PDE1A: variants seen among roughly 807,000 people sequenced by gnomAD.
The protein encoded by PDE1A is phosphodiesterase 1A.
PDE1A carries 35 observed loss-of-function variants against 61.7 expected under a neutral mutation model. The observed-to-expected ratio is 0.57, with a 90% CI of 0.43 to 0.75. The LOEUF (loss-of-function observed/expected upper bound fraction) is 0.75. Ranked by LOEUF, PDE1A falls within the 30% of genes least tolerant of loss-of-function variation. The pLI is 0.00. For synonymous variants in PDE1A, 232 were observed against 213.2 expected (o/e 1.09, Z -0.77); for missense variants, 597 against 630.6 (o/e 0.95, Z 0.57).
intron 1 of PDE1A, among the ~76,000 whole-genome samples, chr2:182,385,659 G>GAAAGA (rs748519072): frequency 1.1e-5 from 1 of 95,056 alleles, no homozygotes; most frequent in African/African-American, 4.6e-5. Context: ...AAGAAAGAAA[G>GAAAGA]AAGAAAAAAA....
chr2:182,460,020 T>C (rs1176990608), intron 2 of PDE1A, among the ~76,000 whole-genome samples: 1 of 152,172 alleles, frequency 6.6e-6, no homozygotes, highest in Non-Finnish European at 1.5e-5. Context: ...AGTCATCTTT[T>C]GTTCTTCCTT....
chr2:182,327,799 A>T (rs2124910347), intron 1 of PDE1A, among the ~76,000 whole-genome samples: 1 of 152,320 alleles, frequency 6.6e-6, no homozygotes, highest in African/African-American at 2.4e-5. Flanking sequence ...GATGATGAAG[A>T]GTGGGGAGAA....
chr2:182,529,612 C>T, the PDE1A span, among the ~76,000 whole-genome samples: 54 of 152,228 alleles, frequency 3.5e-4, no homozygotes, highest in African/African-American at 1.1e-3. Context: ...GGGCCAGGAG[C>T]GGAATGATAT....
intron 2 of PDE1A, among the ~76,000 whole-genome samples, chr2:182,469,324 T>G (rs1686877273): frequency 6.6e-6 from 1 of 151,986 alleles, no homozygotes; most frequent in African/African-American, 2.4e-5. Context: ...CATCAGCATT[T>G]GCTGCTTCAT....
intron 1 of PDE1A, among the ~76,000 whole-genome samples, chr2:182,353,675 T>G (rs1387493732): frequency 6.6e-6 from 1 of 152,000 alleles, no homozygotes; most frequent in African/African-American, 2.4e-5. Flanking sequence ...AAAGTTTATA[T>G]TTGTAATATA....
intron 13 of PDE1A, among the ~76,000 whole-genome samples, chr2:182,184,538 T>C (rs1454678913): frequency 6.6e-6 from 1 of 152,172 alleles, no homozygotes; most frequent in Non-Finnish European, 1.5e-5. Context: ...GAAAATCTAA[T>C]TGTTTGTCAG....
intron 8 of PDE1A, among the ~76,000 whole-genome samples, chr2:182,202,568 A>T (rs551355204): frequency 6.6e-6 from 1 of 152,294 alleles, no homozygotes; most frequent in South Asian, 2.1e-4. Flanking sequence ...ATAAGATTCA[A>T]CGCAAGAGGT....
At chr2:182,164,584 C>A (rs1691553232), downstream of PDE1A, among the ~76,000 whole-genome samples, 1 of 152,104 alleles carries the variant, frequency 6.6e-6, no homozygotes, top group Non-Finnish European at 1.5e-5. Flanking sequence ...CTACCATTGT[C>A]ATTGCCCAGT....
intron 1 of PDE1A, among the ~76,000 whole-genome samples, chr2:182,285,285 G>T (rs1574251348): frequency 6.6e-6 from 1 of 151,852 alleles, no homozygotes; most frequent in African/African-American, 2.4e-5. Flanking sequence ...GTTTTCTCTG[G>T]CATCATCTTA....
intron 1 of PDE1A, among the ~76,000 whole-genome samples, chr2:182,292,046 T>C (rs1419528346): frequency 6.6e-6 from 1 of 152,242 alleles, no homozygotes; most frequent in Admixed American, 6.5e-5. Flanking sequence ...TAGTATAGTA[T>C]GATCTATAAA....
chr2:182,482,278 A>G lies in PDE1A; in HGVS notation c.101+39998T>C, dbSNP rs140507510. 5.5e-4 allele frequency among the ~76,000 whole-genome samples: 84 copies of G among 152,108 alleles called. 1 individual carries two copies. The East Asian group carries it at 0.016, about 28-fold the overall frequency. On this transcript the variant is annotated intron_variant, in intron 2 of 14. Coordinates refer to the PDE1A transcript ENST00000410103. ...GTTATCACCTAGTTTTTAAACTGCT[A>G]TAAGACAAACAATCTATCAGTATTG...
At chr2:182,493,977 T>G (rs149309199) in intron 2 of PDE1A, among the ~76,000 whole-genome samples, 1,541 of 152,346 alleles carry the variant, frequency 0.01, 18 homozygotes, top group Middle Eastern at 0.027. Context: ...TACCACTGTT[T>G]GAAGAAATTC....
At chr2:182,184,109 C>T (rs1055352346) in intron 13 of PDE1A, among the ~76,000 whole-genome samples, 5 of 151,618 alleles carry the variant, frequency 3.3e-5, no homozygotes, top group African/African-American at 1.2e-4. Context: ...TTCCAGAATC[C>T]TAAGTTATGC....
chr2:182,384,915 G>A (rs74532927), intron 1 of PDE1A, among the ~76,000 whole-genome samples: 3,198 of 152,114 alleles, frequency 0.021, 115 homozygotes, highest in African/African-American at 0.073. Context: ...AAGACTGAAA[G>A]CAGCAAGAGA....
intron 4 of PDE1A, among the ~76,000 whole-genome samples, chr2:182,231,518 A>C (rs966060536): frequency 6.6e-6 from 1 of 152,190 alleles, no homozygotes; most frequent in Non-Finnish European, 1.5e-5. Flanking sequence ...ATACAGAAAA[A>C]ATAGTCCCGG....
Position 182,334,122 on chromosome 2 carries a change from C to T in PDE1A, c.54-69708G>A, listed in dbSNP as rs1272766795. On this transcript the variant is annotated intron_variant, in intron 1 of 13. Transcript: ENST00000351439. ...CAACCAAAAAAAACCCAGGACCAGA[C>T]AGATTCACAGCCGAATTCTACCAGA... 4.6e-5 allele frequency among the ~76,000 whole-genome samples: 7 copies of T among 152,078 alleles called. No individual in the cohort carries two copies. The East Asian group carries it at 5.8e-4, about 13-fold the overall frequency.
intron 1 of PDE1A, among the ~76,000 whole-genome samples, chr2:182,375,899 G>A (rs1700376095): frequency 1.3e-5 from 2 of 152,228 alleles, no homozygotes; most frequent in Admixed American, 1.3e-4. Flanking sequence ...GCTGCCAAGG[G>A]GTGGCTTGCA....
intron 1 of PDE1A, among the ~76,000 whole-genome samples, chr2:182,325,521 A>C (rs1464485530): frequency 6.6e-6 from 1 of 152,176 alleles, no homozygotes; most frequent in Non-Finnish European, 1.5e-5. Flanking sequence ...CAACAGAATA[A>C]AAAAGCAACT....
intron 1 of PDE1A, among the ~76,000 whole-genome samples, chr2:182,297,444 G>A (rs1694961137): frequency 6.6e-6 from 1 of 152,152 alleles, no homozygotes; most frequent in Non-Finnish European, 1.5e-5. Flanking sequence ...TCATTAAATT[G>A]GATTGGGGCT....
Sources: gnomAD v4.1 joint callset for allele counts (sites outside exome capture counted in the v4.1 genomes callset) on GRCh38, gnomAD v4.1.1 for gene constraint, MANE v1.5 for transcripts, NCBI Gene and HGNC (gene_info 2026-07-23, HGNC 2026-07-21) for gene names.